Variants in PTTG1IP observed in about 807,000 individuals in gnomAD.
PTTG1IP encodes pituitary tumor-transforming gene 1 protein-interacting protein.
In PTTG1IP, 16 loss-of-function variants were observed where a neutral mutation model predicts 24.4. That is an observed-to-expected ratio of 0.66 (90% CI 0.44 to 1.00). The LOEUF (loss-of-function observed/expected upper bound fraction) is 1.00. PTTG1IP is among the 50% of genes least tolerant of loss of function. PTTG1IP has a pLI of 0.00. For synonymous variants in PTTG1IP, 89 were observed against 96.8 expected (o/e 0.92, Z 0.47); for missense variants, 241 against 245.8 (o/e 0.98, Z 0.13).
At chr21:44,857,943 A>G (rs2083461586) in intron 3 of PTTG1IP, among the ~76,000 whole-genome samples, 1 of 152,156 alleles carries the variant, frequency 6.6e-6, no homozygotes. Flanking sequence ...TGACTGGAGA[A>G]CTCCAATGAG....
intron 2 of PTTG1IP, 60 bp downstream of exon 2, chr21:44,865,335 G>A: frequency 6.5e-7 from 1 of 1,539,174 alleles, no homozygotes; most frequent in Non-Finnish European, 9.0e-7. Context: ...CCTAGAGAAA[G>A]CCCGTGTGCC....
intron 5 of PTTG1IP, among the ~76,000 whole-genome samples, chr21:44,853,503 G>A (rs2083425803): frequency 1.7e-5 from 2 of 114,300 alleles, no homozygotes; most frequent in Admixed American, 9.7e-5. Flanking sequence ...GTGAGACTCC[G>A]TCTCAAAAAA....
intron 2 of PTTG1IP, among the ~76,000 whole-genome samples, chr21:44,865,110 T>C (rs1243823245): frequency 2.0e-5 from 3 of 152,232 alleles, no homozygotes; most frequent in Non-Finnish European, 2.9e-5. Context: ...TTTCTCGCTA[T>C]GGGCCTCGTT....
intron 1 of PTTG1IP, among the ~76,000 whole-genome samples, chr21:44,867,271 A>G (rs1438864493): frequency 6.6e-6 from 1 of 152,230 alleles, no homozygotes; most frequent in Non-Finnish European, 1.5e-5. Flanking sequence ...ATAAAAAGAA[A>G]CGAACTGCTC....
At chr21:44,861,070 G>A (rs901429198) in intron 3 of PTTG1IP, 93 bp downstream of exon 3, 6 of 1,055,168 alleles carry the variant, frequency 5.7e-6, no homozygotes, top group Non-Finnish European at 8.4e-6. Context: ...CCAAAGTGCT[G>A]GGATTACAGA....
chr21:44,858,351 T>C (rs1246744341), intron 3 of PTTG1IP, among the ~76,000 whole-genome samples: 1 of 152,188 alleles, frequency 6.6e-6, no homozygotes, highest in East Asian at 1.9e-4. Flanking sequence ...CCGCGGCATC[T>C]GGTGAAATCA....
chr21:44,871,668 A>G (rs1344595035), intron 1 of PTTG1IP, among the ~76,000 whole-genome samples: 1 of 152,220 alleles, frequency 6.6e-6, no homozygotes, highest in African/African-American at 2.4e-5. Flanking sequence ...GACAAGCAGT[A>G]AAAATCTCAC....
In PTTG1IP at chr21:44,849,673, A is replaced by C. The variant is rs761462123; in HGVS notation, c.*1908T>G. ...AGCTTTATGGTTTCCTTGAGGTTAC[A>C]GTTTTGTGGCTGCTCTTAGTGTATT... On this transcript the variant is annotated 3_prime_UTR_variant, in exon 6 of 6. Coordinates refer to ENST00000330938, the MANE Select transcript of PTTG1IP (RefSeq NM_004339.4). The C allele has an allele frequency of 6.6e-6, 1 of 152,642 alleles. No individual in the cohort carries two copies. Among genetic ancestry groups the C allele is most frequent in the Non-Finnish European group, 1.5e-5 (1 of 68,048 alleles). 9.5% of individuals were successfully genotyped at this position (152,642 alleles called of 1,614,324 possible). A position where few individuals can be genotyped will look rare whatever the true frequency, so the allele number is the denominator to read the frequency against.
At chr21:44,870,540 A>AAAAG (rs1569328085) in intron 1 of PTTG1IP, among the ~76,000 whole-genome samples, 16 of 144,842 alleles carry the variant, frequency 1.1e-4, no homozygotes, top group African/African-American at 3.9e-4. Context: ...AAAAAAAAAA[A>AAAAG]AAAAAAAAGA....
Position 44,865,447 on chromosome 21 carries a change from G to A in PTTG1IP, c.116C>T (p.Ala39Val). Reference sequence around the variant, plus strand: ...GGTTTTGTTTGTGTTCTGAGAACAAGCTGCAGGAAAGAGGCAAGAGACAAG... The same window carrying A: ...GGTTTTGTTTGTGTTCTGAGAACAAACTGCAGGAAAGAGGCAAGAGACAAG... ...VAAAQEPPGA[A>V]CSQNTNKTCE... The change falls in exon 2 of 6, where the codon GCT (alanine) becomes GTT (valine). Residue 39 changes from alanine (A) to valine (V), a missense_variant and splice_region_variant. By Grantham distance (64) the Ala-to-Val change is moderately conservative (BLOSUM62 0). Transcript: ENST00000330938. The A allele has an allele frequency of 6.2e-7, 1 of 1,614,174 alleles. No individual in the cohort carries two copies. The highest frequency in any genetic ancestry group is 8.5e-7 in the Non-Finnish European group (1 of 1,180,008).
Position 44,873,575 on chromosome 21 carries a change from C to T in PTTG1IP, c.42G>A (p.Arg14=). The change falls in exon 1 of 6, where the codon AGG becomes AGA. Residue 14 remains arginine (R), a synonymous_variant. Transcript: ENST00000330938. ...GCAGCGCGGCGCCACCGAGGCGCAACCTCCAGTACGGCGTCGGCCCGCGGG... is the reference window on the plus strand; with the variant it reads ...GCAGCGCGGCGCCACCGAGGCGCAATCTCCAGTACGGCGTCGGCCCGCGGG... ...GVARGPTPYW[R]LRLGGAALLL... 6.8e-7 allele frequency: 1 copy of T among 1,467,976 alleles called. No individual in the cohort carries two copies. The highest frequency in any genetic ancestry group is 9.0e-7 in the Non-Finnish European group (1 of 1,114,908). 90.9% of individuals were successfully genotyped at this position (1,467,976 alleles called of 1,614,324 possible). A position where few individuals can be genotyped will look rare whatever the true frequency, so the allele number is the denominator to read the frequency against.
At chr21:44,866,044 G>A (rs959778390) in intron 1 of PTTG1IP, 2 of 173,974 alleles carry the variant, frequency 1.1e-5, no homozygotes, top group Non-Finnish European at 2.5e-5. Context: ...CAACCACACA[G>A]AACACCCTGA....
At chr21:44,873,441 C>A (rs2083607080) in intron 1 of PTTG1IP, 61 bp downstream of exon 1, 2 of 1,256,088 alleles carry the variant, frequency 1.6e-6, no homozygotes, top group East Asian at 3.4e-5. Context: ...ACCCCGACCC[C>A]GACCTGGACC....
chr21:44,866,333 A>AACAC (rs139772400), intron 1 of PTTG1IP, among the ~76,000 whole-genome samples: 9 of 55,020 alleles, frequency 1.6e-4, no homozygotes, highest in East Asian at 7.9e-4. Context: ...CCAATCCCAT[A>AACAC]ACACACACAC....
chr21:44,855,680 C>T (rs1455294298), intron 4 of PTTG1IP, among the ~76,000 whole-genome samples: 3 of 152,188 alleles, frequency 2.0e-5, no homozygotes, highest in Non-Finnish European at 4.4e-5. Flanking sequence ...CGCTTCCACC[C>T]TCGCCCGCCG....
At chr21:44,870,525 C>CAAAA (rs60436978) in intron 1 of PTTG1IP, among the ~76,000 whole-genome samples, 1,140 of 76,666 alleles carry the variant, frequency 0.015, 73 homozygotes, top group Non-Finnish European at 0.018. Context: ...GACTCCATCT[C>CAAAA]AAAAAAAAAA....
At chr21:44,854,874 C>T (rs2146454132) in intron 5 of PTTG1IP, among the ~76,000 whole-genome samples, 1 of 152,330 alleles carries the variant, frequency 6.6e-6, no homozygotes, top group Middle Eastern at 3.4e-3. Flanking sequence ...AAACTCACAG[C>T]ACCTCGGCTA....
At chr21:44,853,987 C>A (rs566425108) in intron 5 of PTTG1IP, among the ~76,000 whole-genome samples, 3 of 152,312 alleles carry the variant, frequency 2.0e-5, no homozygotes, top group Non-Finnish European at 4.4e-5. Context: ...GAGGCCAGAA[C>A]TGACAGGGAG....
chr21:44,869,811 T>G (rs1223533713), intron 1 of PTTG1IP, among the ~76,000 whole-genome samples: 1 of 152,162 alleles, frequency 6.6e-6, no homozygotes, highest in Non-Finnish European at 1.5e-5. Flanking sequence ...ACACACCCAC[T>G]CGAGTCCTTC....
Sources: allele counts gnomAD v4.1 joint callset (sites outside exome capture counted in the v4.1 genomes callset), GRCh38; gene constraint gnomAD v4.1.1; transcripts MANE v1.5; gene names NCBI Gene and HGNC (gene_info 2026-07-23, HGNC 2026-07-21).